FAM163B: variants seen among roughly 807,000 people sequenced by gnomAD.
FAM163B encodes the protein family with sequence similarity 163 member B.
A neutral mutation model predicts 7.6 loss-of-function variants in FAM163B; 4 were observed. The observed-to-expected ratio is 0.52, with a 90% CI of 0.26 to 1.20. The LOEUF (loss-of-function observed/expected upper bound fraction) is 1.20, where lower values mean the gene tolerates loss of function less well. Among genes scored for constraint, FAM163B ranks in the 50% most tolerant of loss-of-function variants. The pLI is 0.14. For synonymous variants in FAM163B, 120 were observed against 111.6 expected (o/e 1.07, Z -0.47); for missense variants, 250 against 243.0 (o/e 1.03, Z -0.19).
At chr9:133,603,791 C>T (rs1005131375) in intron 1 of FAM163B, among the ~76,000 whole-genome samples, 3 of 152,184 alleles carry the variant, frequency 2.0e-5, no homozygotes, top group Non-Finnish European at 4.4e-5. Flanking sequence ...TACCTTGCAC[C>T]CATCTTCTAA....
intron 1 of FAM163B, among the ~76,000 whole-genome samples, chr9:133,581,715 G>A (rs1157885728): frequency 2.0e-5 from 3 of 152,146 alleles, no homozygotes; most frequent in Admixed American, 2.0e-4. Context: ...GGGATTCCTC[G>A]CATGGCATTG....
At position 133,578,914 on chromosome 9, in the gene FAM163B, A is replaced by G. The variant is rs948509733; in HGVS notation, c.*108T>C. 1.2e-5 allele frequency: 17 copies of G among 1,431,784 alleles called. No homozygotes were observed. In the South Asian group the frequency reaches 1.7e-4, roughly 14 times the overall value. 88.7% of individuals were successfully genotyped at this position (1,431,784 alleles called of 1,614,324 possible). On this transcript the variant is annotated 3_prime_UTR_variant, in exon 3 of 3. Coordinates refer to ENST00000673969, the MANE Select transcript of FAM163B (RefSeq NM_001080515.3). ...CTCCCCTGAGGACAGGGATTCCAGG[A>G]GGGCTCAGCCAAGCCCCACTTGGGG... is the stretch of plus-strand genomic sequence containing the variant.
chr9:133,580,204 A>T lies in FAM163B; in HGVS notation c.20T>A (p.Val7Asp). Residue 7 changes from valine (V) to aspartate (D), a missense_variant, in exon 2 of 3, where the codon GTC (valine) becomes GAC (aspartate). Val to Asp is a radical substitution (Grantham distance 152). Coordinates refer to ENST00000673969, the MANE Select transcript of FAM163B (RefSeq NM_001080515.3). The stretch of plus-strand genomic sequence containing the variant: ...AGTCGCCAAGATGCCCCCGGTGATG[A>T]CCACGGTCCCGGCTGTCATCCGCCC... MTAGTV[V>D]ITGGILATVI... 1.2e-6 allele frequency: 2 copies of T among 1,613,558 alleles called. No homozygotes were observed. The highest frequency in any genetic ancestry group is 1.7e-6 in the Non-Finnish European group (2 of 1,180,010).
At chr9:133,596,863 T>C (rs546668562) in intron 1 of FAM163B, among the ~76,000 whole-genome samples, 10 of 152,332 alleles carry the variant, frequency 6.6e-5, no homozygotes, top group African/African-American at 1.9e-4. Context: ...GAACAATATT[T>C]GAAGCTCTCA....
chr9:133,606,876 G>A lies in FAM163B; in HGVS notation c.-24+2201C>T, dbSNP rs1251476485. Among the ~76,000 whole-genome samples the A allele has an allele frequency of 6.6e-6, 1 of 152,218 alleles. No homozygotes were observed. Among genetic ancestry groups the A allele is most frequent in the Admixed American group, 6.5e-5 (1 of 15,292 alleles). On this transcript the variant is annotated intron_variant, in intron 1 of 2. Transcript: ENST00000673969. The surrounding 1 kb of genome is among the most constrained non-coding windows in gnomAD (Gnocchi z 4.0). Reference sequence around the variant, plus strand: ...GAGCCCGCTGCCATGAGGCTGCAGAGGCAGGCCCACGTGGCAGGAGCCAGA... The same window carrying A: ...GAGCCCGCTGCCATGAGGCTGCAGAAGCAGGCCCACGTGGCAGGAGCCAGA...
At chr9:133,599,919 C>T (rs1299610856) in intron 1 of FAM163B, among the ~76,000 whole-genome samples, 1 of 143,910 alleles carries the variant, frequency 6.9e-6, no homozygotes, top group Non-Finnish European at 1.5e-5. Flanking sequence ...GGTCTGTGTG[C>T]ATGTGTGTGA....
intron 2 of FAM163B, among the ~76,000 whole-genome samples, chr9:133,579,882 G>A (rs1055740653): frequency 4.6e-5 from 7 of 152,214 alleles, no homozygotes; most frequent in Non-Finnish European, 7.3e-5. Flanking sequence ...TTGGGCAGCT[G>A]GTGCCCTTGG....
chr9:133,602,210 G>C (rs1040080084), intron 1 of FAM163B, among the ~76,000 whole-genome samples: 1 of 152,140 alleles, frequency 6.6e-6, no homozygotes, highest in Non-Finnish European at 1.5e-5. Context: ...CCTGGGTCTG[G>C]GATCTCCGGT....
intron 2 of FAM163B, among the ~76,000 whole-genome samples, chr9:133,579,717 G>A (rs1354432654): frequency 2.6e-5 from 4 of 152,198 alleles, no homozygotes; most frequent in Admixed American, 6.5e-5. Flanking sequence ...GGAGGGGTTC[G>A]CAGCCCCACA....
intron 1 of FAM163B, among the ~76,000 whole-genome samples, chr9:133,596,545 G>A (rs1831635626): frequency 6.6e-6 from 1 of 152,100 alleles, no homozygotes; most frequent in Non-Finnish European, 1.5e-5. Context: ...TCAAGCCATG[G>A]GGGAGAGACA....
chr9:133,590,076 CCCCTTCCCCTTCCCTTCCCCTTCCCCTT>C (rs1831519274), intron 1 of FAM163B, among the ~76,000 whole-genome samples: 2 of 36,812 alleles, frequency 5.4e-5, no homozygotes, highest in African/African-American at 1.3e-4. Flanking sequence ...CCCTTCCCTT[CCCCTTCCCCTTCCCTTCCCCTTCCCCTT>C]CCCTTCCCCT....
intron 1 of FAM163B, among the ~76,000 whole-genome samples, chr9:133,587,941 A>G (rs1238695430): frequency 7.0e-6 from 1 of 143,446 alleles, no homozygotes; most frequent in Non-Finnish European, 1.5e-5. Context: ...AAAAGAGAAA[A>G]AGGTGATGGG....
chr9:133,597,618 C>T (rs1276936404), intron 1 of FAM163B, among the ~76,000 whole-genome samples: 2 of 151,954 alleles, frequency 1.3e-5, no homozygotes, highest in Admixed American at 6.6e-5. Flanking sequence ...ATTATAAACC[C>T]ACAGATCCAA....
intron 1 of FAM163B, among the ~76,000 whole-genome samples, chr9:133,592,487 C>G (rs1222212192): frequency 6.6e-6 from 1 of 152,202 alleles, no homozygotes; most frequent in African/African-American, 2.4e-5. Context: ...AGAGTGCCTT[C>G]CCTCTTCCAG....
intron 1 of FAM163B, among the ~76,000 whole-genome samples, chr9:133,605,131 C>T (rs1266238717): frequency 2.0e-5 from 3 of 152,172 alleles, no homozygotes; most frequent in East Asian, 1.9e-4. Context: ...GAAGTGAGCA[C>T]GGGTCGGGGC....
intron 1 of FAM163B, among the ~76,000 whole-genome samples, chr9:133,584,863 G>A (rs573079949): frequency 6.6e-6 from 1 of 152,224 alleles, no homozygotes; most frequent in Admixed American, 6.5e-5. Context: ...CTTGTGACTC[G>A]AGCCCCACCC....
Position 133,577,261 on chromosome 9 carries a change from T to C in FAM163B, c.*1761A>G, listed in dbSNP as rs1058713. ...AATTGGGAAATGGAATCATGAGGGCTGGGCCCTCATCCCCACCCCACCCAG... is the reference window on the plus strand; with the variant it reads ...AATTGGGAAATGGAATCATGAGGGCCGGGCCCTCATCCCCACCCCACCCAG... On this transcript the variant is annotated 3_prime_UTR_variant, in exon 3 of 3. Transcript: ENST00000673969. Among the ~76,000 whole-genome samples, 70,191 of 148,962 alleles carry C rather than the reference T, an allele frequency of 0.47. 17,399 individuals carry two copies. The highest frequency in any genetic ancestry group is 0.61 in the Middle Eastern group (173 of 284).
rs1831823255 is a variant in FAM163B, at chr9:133,609,131, G to T, written c.-78C>A. Among the ~76,000 whole-genome samples the T allele has an allele frequency of 6.6e-6, 1 of 152,050 alleles. No homozygotes were observed. Among genetic ancestry groups the T allele is most frequent in the South Asian group, 2.1e-4 (1 of 4,834 alleles). Reference sequence around the variant, plus strand: ...CCGCGAGGACTTGGGCGCACGTGACGGGGCGGGCGGGCGTCCGACCCGGGC... The same window carrying T: ...CCGCGAGGACTTGGGCGCACGTGACTGGGCGGGCGGGCGTCCGACCCGGGC... On this transcript the variant is annotated 5_prime_UTR_variant, in exon 1 of 3. Coordinates refer to ENST00000673969, the MANE Select transcript of FAM163B (RefSeq NM_001080515.3).
At chr9:133,604,079 T>C (rs940968777) in intron 1 of FAM163B, among the ~76,000 whole-genome samples, 2 of 152,222 alleles carry the variant, frequency 1.3e-5, no homozygotes, top group Admixed American at 1.3e-4. Flanking sequence ...TGACCTCAAG[T>C]AATCCGCCTG....
Sources: allele counts gnomAD v4.1 joint callset (sites outside exome capture counted in the v4.1 genomes callset), GRCh38; gene constraint gnomAD v4.1.1; non-coding constraint Gnocchi (gnomAD v3.1); transcripts MANE v1.5; gene names NCBI Gene and HGNC (gene_info 2026-07-23, HGNC 2026-07-21).